LYST: variants seen among roughly 807,000 people sequenced by gnomAD.
LYST encodes lysosomal trafficking regulator, also known as lysosomal-trafficking regulator.
In LYST, 192 loss-of-function variants were observed where a neutral mutation model predicts 413.6. The ratio of observed to expected loss-of-function variants is 0.46; its 90% CI spans 0.41 to 0.52. The LOEUF (loss-of-function observed/expected upper bound fraction) is 0.52, where lower values mean the gene tolerates loss of function less well. Ranked by LOEUF, LYST falls within the 20% of genes least tolerant of loss-of-function variation. The pLI is 0.00. For missense variants in LYST, 3,815 were observed against 4,499.9 expected (o/e 0.85, Z 4.35); for synonymous variants, 1,525 against 1,567.3 (o/e 0.97, Z 0.64).
intron 1 of LYST, among the ~76,000 whole-genome samples, chr1:235,864,624 T>G (rs1680280398): frequency 6.6e-6 from 1 of 152,200 alleles, no homozygotes. Flanking sequence ...GCGCCCAGAA[T>G]GATCATTTTT....
intron 26 of LYST, among the ~76,000 whole-genome samples, chr1:235,752,491 C>T (rs1354766336): frequency 6.6e-6 from 1 of 152,068 alleles, no homozygotes; most frequent in Admixed American, 6.5e-5. Context: ...ACTATAAGAA[C>T]ACATAGGCAG....
intron 31 of LYST, chr1:235,738,550 G>A (rs780748007): frequency 3.1e-6 from 5 of 1,611,284 alleles, no homozygotes; most frequent in Non-Finnish European, 4.2e-6. Context: ...CACACATTAA[G>A]CTGTCATGGG....
chr1:235,828,261 G>T, intron 3 of LYST: 1 of 591,162 alleles, frequency 1.7e-6, no homozygotes, highest in Non-Finnish European at 2.1e-6. Flanking sequence ...TTTGCTTAGG[G>T]GTAGGGGAAT....
chr1:235,712,852 T>C (rs1662514936), intron 42 of LYST: 1 of 985,098 alleles, frequency 1.0e-6, no homozygotes, highest in Non-Finnish European at 1.2e-6. Flanking sequence ...AGAATTAAGT[T>C]TGGACTCTCT....
At position 235,747,242 on chromosome 1, in the gene LYST, C is replaced by T. The variant is rs3754234; in HGVS notation, c.7781-715G>A. The stretch of plus-strand genomic sequence containing the variant: ...GGGGATGAGTCTTGATTTAATGGAC[C>T]GAAGGAGAAGGGCATCGGAAGTTGA... On this transcript the variant is annotated intron_variant, in intron 28 of 52. Coordinates refer to ENST00000389793, the MANE Select transcript of LYST (RefSeq NM_000081.4). The T allele has an allele frequency of 0.4, 180,839 of 450,172 alleles. 43,470 individuals carry two copies. The highest frequency in any genetic ancestry group is 0.82 in the African/African-American group (40,772 of 49,810). The allele number at this position is 450,172 out of a possible 1,614,324, so 27.9% of individuals were successfully genotyped here.
chr1:235,698,736 G>A (rs977170819), intron 45 of LYST, among the ~76,000 whole-genome samples: 1 of 152,092 alleles, frequency 6.6e-6, no homozygotes, highest in Non-Finnish European at 1.5e-5. Context: ...AACTGGGCGT[G>A]GTGGCGGGTG....
In LYST at chr1:235,791,971, C is replaced by T. The variant is rs201502579; in HGVS notation, c.4271G>A (p.Gly1424Asp). 32 of 1,614,132 alleles carry T rather than the reference C, an allele frequency of 2.0e-5. No individual in the cohort carries two copies. The East Asian group carries it at 4.0e-4, about 20-fold the overall frequency. The change falls in exon 12 of 53, where the codon GGT (glycine) becomes GAT (aspartate). Residue 1424 changes from glycine to aspartate, a missense_variant. Transcript: ENST00000389793. The part of the protein sequence containing the change: ...YPGILNSKAM[G>D]LLRRARVSRS... ...TGAAACTCGTGCTCTTCTCAATAAA[C>T]CCATGGCCTTACTGTTTAAAATCCC...
At chr1:235,821,086 T>C (rs1674698402) in intron 3 of LYST, among the ~76,000 whole-genome samples, 1 of 152,212 alleles carries the variant, frequency 6.6e-6, no homozygotes, top group Admixed American at 6.5e-5. Context: ...TAATATCAAA[T>C]GGAAATAGTA....
At position 235,734,649 on chromosome 1, in the gene LYST, T is replaced by G; in HGVS notation, c.8369A>C (p.Lys2790Thr). The G allele has an allele frequency of 6.2e-7, 1 of 1,607,036 alleles. No homozygotes were observed. The highest frequency in any genetic ancestry group is 2.2e-5 in the East Asian group (1 of 44,760). Residue 2790 changes from lysine (K) to threonine (T), a missense_variant, in exon 32 of 53, where the codon AAG becomes ACG. By Grantham distance (78) the Lys-to-Thr change is moderately conservative. Coordinates refer to ENST00000389793, the MANE Select transcript of LYST (RefSeq NM_000081.4). ...CAACTCTGACAAATACAAAACTAACTTGGCTCCATGCTTTAAAAAAAGTAA... is the reference window on the plus strand; with the variant it reads ...CAACTCTGACAAATACAAAACTAACGTGGCTCCATGCTTTAAAAAAAGTAA... Reference protein sequence around the residue: ...CLSPSLQHGAKLVLYLSELIH... With the variant: ...CLSPSLQHGATLVLYLSELIH...
intron 14 of LYST, among the ~76,000 whole-genome samples, chr1:235,784,461 C>T (rs528867747): frequency 6.6e-6 from 1 of 152,278 alleles, no homozygotes; most frequent in African/African-American, 2.4e-5. Context: ...GGTTCCTCTA[C>T]CTGTCAGCTG....
At position 235,675,540 on chromosome 1, in the gene LYST, T is replaced by C. The variant is rs997550912; in HGVS notation, c.11038+1551A>G. Among the ~76,000 whole-genome samples, 28 of 152,292 alleles carry C rather than the reference T, an allele frequency of 1.8e-4. 2 individuals carry two copies. The highest frequency in any genetic ancestry group is 1.7e-3 in the Admixed American group (26 of 15,288). ...GAGAAATCTTCTAAGTGCTAGTTTTTCTTTACGGCACCAAGCACTTGTTTC... is the reference window on the plus strand; with the variant it reads ...GAGAAATCTTCTAAGTGCTAGTTTTCCTTTACGGCACCAAGCACTTGTTTC... On this transcript the variant is annotated intron_variant, in intron 50 of 52. Coordinates refer to ENST00000389793, the MANE Select transcript of LYST (RefSeq NM_000081.4).
rs1251205120 is a variant in LYST, at chr1:235,662,971, T to A, written c.11375A>T (p.Tyr3792Phe). 6.2e-7 allele frequency: 1 copy of A among 1,609,070 alleles called. No individual in the cohort carries two copies. The highest frequency in any genetic ancestry group is 1.1e-5 in the South Asian group (1 of 90,938). Residue 3792 changes from tyrosine to phenylalanine, a missense_variant, in exon 53 of 53, where the codon TAT (tyrosine) becomes TTT (phenylalanine). Physicochemically the swap from Tyr to Phe is conservative, Grantham distance 22. Around this residue, in one of 4 missense-constraint regions of LYST, gnomAD observed 866 missense variants for 1,156.0 expected, o/e 0.75. Transcript: ENST00000389793. ...DQQRLKQPMF[Y>F]SFLSSYAAG ...GGCTGCATAGCTGCTAAGGAAGGAA[T>A]AGAACATTGGCTGTTTCAAGCGCTG...
rs1659531324 is a variant in LYST, at chr1:235,678,123, A to G, written c.10801-504T>C. 2.7e-5 allele frequency among the ~76,000 whole-genome samples: 4 copies of G among 150,308 alleles called. No individual in the cohort carries two copies. The South Asian group carries it at 8.3e-4, about 31-fold the overall frequency. Reference sequence around the variant, plus strand: ...GTAGATTAGAGGGCAGACCTTTGGGAAATAAATAATTAAAGTTTTTTAAGA... The same window carrying G: ...GTAGATTAGAGGGCAGACCTTTGGGGAATAAATAATTAAAGTTTTTTAAGA... On this transcript the variant is annotated intron_variant, in intron 48 of 52. Transcript: ENST00000389793.
intron 48 of LYST, among the ~76,000 whole-genome samples, chr1:235,683,572 T>TTA (rs1296133742): frequency 6.6e-6 from 1 of 152,188 alleles, no homozygotes; most frequent in African/African-American, 2.4e-5. Context: ...CAACAGAAAC[T>TTA]TACGGTGCTC....
intron 14 of LYST, among the ~76,000 whole-genome samples, chr1:235,786,916 G>A (rs985572181): frequency 9.3e-6 from 1 of 107,968 alleles, no homozygotes; most frequent in Non-Finnish European, 1.8e-5. Context: ...GGGGGAGGGG[G>A]GAGGGATAGC....
In LYST at chr1:235,728,141, G is replaced by C. The variant is rs773176304; in HGVS notation, c.9107-10C>G. 6.2e-7 allele frequency: 1 copy of C among 1,601,756 alleles called. No homozygotes were observed. Among genetic ancestry groups the C allele is most frequent in the Non-Finnish European group, 8.6e-7 (1 of 1,168,998 alleles). ...TACATTCCACATTTACCTGCAGAAA[G>C]TAATTGGATATAAGGGTTTTAAAAT... On this transcript the variant is annotated splice_polypyrimidine_tract_variant and intron_variant, in intron 37 of 52. Coordinates refer to ENST00000389793, the MANE Select transcript of LYST (RefSeq NM_000081.4).
chr1:235,717,444 G>C (rs1276035134), intron 40 of LYST, among the ~76,000 whole-genome samples: 2 of 152,198 alleles, frequency 1.3e-5, no homozygotes, highest in Non-Finnish European at 2.9e-5. Flanking sequence ...TGAAGCAGGA[G>C]AATGAATTCT....
intron 26 of LYST, 146 bp from the exon 27 acceptor site, chr1:235,752,317 C>A: frequency 3.2e-6 from 2 of 624,896 alleles, no homozygotes; most frequent in South Asian, 1.9e-5. Flanking sequence ...TTTATTCATG[C>A]TTATTCTATG....
At chr1:235,685,689 T>C (rs1571992762) in intron 48 of LYST, among the ~76,000 whole-genome samples, 1 of 151,398 alleles carries the variant, frequency 6.6e-6, no homozygotes, top group Non-Finnish European at 1.5e-5. Flanking sequence ...CTACTAAAAA[T>C]ACAAAAATTA....
Sources: allele counts gnomAD v4.1 joint callset (sites outside exome capture counted in the v4.1 genomes callset), GRCh38; gene constraint gnomAD v4.1.1; regional missense constraint gnomAD v4.1.1; transcripts MANE v1.5; gene names NCBI Gene and HGNC (gene_info 2026-07-23, HGNC 2026-07-21).